The following CACNA2D3 variants were observed in gnomAD, a reference collection of about 807,000 sequenced individuals.
The protein encoded by CACNA2D3 is calcium voltage-gated channel auxiliary subunit alpha2delta 3.
A neutral mutation model predicts 160.6 loss-of-function variants in CACNA2D3; 60 were observed. The ratio of observed to expected loss-of-function variants is 0.37; its 90% CI spans 0.30 to 0.46. The LOEUF (loss-of-function observed/expected upper bound fraction) is 0.46. Among genes scored for constraint, CACNA2D3 ranks in the 20% least tolerant of loss-of-function variants. The pLI is 1.00. For synonymous variants in CACNA2D3, 558 were observed against 492.9 expected (o/e 1.13, Z -1.75); for missense variants, 1,205 against 1,365.0 (o/e 0.88, Z 1.85).
chr3:54,749,004 A>C (rs1701808583), intron 11 of CACNA2D3, among the ~76,000 whole-genome samples: 1 of 152,220 alleles, frequency 6.6e-6, no homozygotes, highest in Non-Finnish European at 1.5e-5. Context: ...CTTAATTTCC[A>C]CATGTCATCT....
intron 11 of CACNA2D3, among the ~76,000 whole-genome samples, chr3:54,696,365 C>T (rs1489561311): frequency 6.6e-6 from 1 of 152,162 alleles, no homozygotes; most frequent in East Asian, 1.9e-4. Flanking sequence ...ACTACACTGA[C>T]ATTAGGAAAC....
intron 14 of CACNA2D3, among the ~76,000 whole-genome samples, chr3:54,818,704 C>G (rs1159942029): frequency 6.6e-6 from 1 of 152,146 alleles, no homozygotes; most frequent in Non-Finnish European, 1.5e-5. Context: ...TCCCTGTCTC[C>G]GAATGATGTC....
Position 54,666,765 on chromosome 3 carries a change from T to C in CACNA2D3, c.1167+24524T>C, listed in dbSNP as rs183841208. On this transcript the variant is annotated intron_variant, in intron 11 of 37. Coordinates refer to ENST00000474759, the MANE Select transcript of CACNA2D3 (RefSeq NM_018398.3). ...TTTCTAAGACAAAAGATCAGTCTTA[T>C]TTTGTGACATGTGATTCAGGGTGAC... is the stretch of plus-strand genomic sequence containing the variant. Among the ~76,000 whole-genome samples the C allele has an allele frequency of 3.4e-3, 516 of 152,330 alleles. 2 individuals are homozygous for C. The highest frequency in any genetic ancestry group is 0.012 in the African/African-American group (481 of 41,584).
chr3:54,905,666 G>T (rs986536343), intron 27 of CACNA2D3, among the ~76,000 whole-genome samples: 1 of 152,268 alleles, frequency 6.6e-6, no homozygotes, highest in East Asian at 1.9e-4. Flanking sequence ...AAACATTTCT[G>T]ATTGGCACTA....
intron 3 of CACNA2D3, among the ~76,000 whole-genome samples, chr3:54,338,487 G>GTA (rs1171174497): frequency 6.6e-6 from 1 of 151,078 alleles, no homozygotes; most frequent in Admixed American, 6.6e-5. Flanking sequence ...GTGTGTGTGT[G>GTA]TGTGTGTGTG....
chr3:54,728,340 C>T (rs1262201242), intron 11 of CACNA2D3, among the ~76,000 whole-genome samples: 5 of 152,208 alleles, frequency 3.3e-5, no homozygotes, highest in Admixed American at 6.5e-5. Context: ...ATCTTCTCTT[C>T]GGTAGTGTCT....
intron 2 of CACNA2D3, among the ~76,000 whole-genome samples, chr3:54,273,567 A>G (rs138851535): frequency 1.1e-4 from 17 of 152,220 alleles, no homozygotes; most frequent in African/African-American, 4.1e-4. Context: ...GGTGTGATTC[A>G]CATTAAAGGT....
chr3:54,346,972 C>T (rs1698470737), intron 3 of CACNA2D3, among the ~76,000 whole-genome samples: 1 of 152,268 alleles, frequency 6.6e-6, no homozygotes, highest in Admixed American at 6.5e-5. Context: ...TGTAAGCATA[C>T]AGTTTAAAAT....
chr3:55,033,800 A>ATG (rs1310823428), intron 35 of CACNA2D3, among the ~76,000 whole-genome samples: 3 of 127,146 alleles, frequency 2.4e-5, no homozygotes, highest in Non-Finnish European at 4.8e-5. Context: ...TATATTTTAT[A>ATG]TAATATGTAT....
rs568865998 is a variant in CACNA2D3, at chr3:54,856,632, T to TA, written c.1626+10169dup. 2.0e-5 allele frequency among the ~76,000 whole-genome samples: 3 copies of TA among 152,298 alleles called. No homozygotes were observed. In the South Asian group the frequency reaches 6.2e-4, roughly 32 times the overall value. On this transcript the variant is annotated intron_variant, in intron 17 of 37. Transcript: ENST00000474759. ...GAGAAGATGTGGGTTTTTAAAGTTC[T>TA]AAAACAAACTGATAAATAAAAATAC...
chr3:54,283,747 A>T (rs1052671009), intron 2 of CACNA2D3, among the ~76,000 whole-genome samples: 1 of 152,188 alleles, frequency 6.6e-6, no homozygotes, highest in Non-Finnish European at 1.5e-5. Flanking sequence ...TTCTGACACC[A>T]GAGGTGTTTC....
At chr3:54,141,652 G>T (rs973409577) in intron 2 of CACNA2D3, among the ~76,000 whole-genome samples, 1 of 152,204 alleles carries the variant, frequency 6.6e-6, no homozygotes. Flanking sequence ...TATGCTTCTT[G>T]TGTAGCAGCT....
intron 2 of CACNA2D3, among the ~76,000 whole-genome samples, chr3:54,226,133 G>A (rs1225743411): frequency 6.6e-6 from 1 of 152,040 alleles, no homozygotes. Context: ...CCCCAGCATC[G>A]TGAGACTGAT....
At chr3:54,665,188 G>T (rs1329003802) in intron 11 of CACNA2D3, among the ~76,000 whole-genome samples, 1 of 152,182 alleles carries the variant, frequency 6.6e-6, no homozygotes, top group South Asian at 2.1e-4. Context: ...GACATGTCCT[G>T]TTTGGTTCCT....
At chr3:54,741,346 A>ATCCTCCCTGCCCC (rs1412062188) in intron 11 of CACNA2D3, among the ~76,000 whole-genome samples, 2 of 152,114 alleles carry the variant, frequency 1.3e-5, no homozygotes, top group Non-Finnish European at 2.9e-5. Flanking sequence ...TGCAGAATTA[A>ATCCTCCCTGCCCC]TCCTCCCTGC....
chr3:54,826,325 T>C (rs1159519089), intron 14 of CACNA2D3, among the ~76,000 whole-genome samples: 2 of 152,198 alleles, frequency 1.3e-5, no homozygotes, highest in Non-Finnish European at 2.9e-5. Flanking sequence ...AATGACCCTC[T>C]GGGGTAAACT....
intron 31 of CACNA2D3, among the ~76,000 whole-genome samples, chr3:55,001,861 A>G (rs938642518): frequency 6.6e-6 from 1 of 152,178 alleles, no homozygotes; most frequent in African/African-American, 2.4e-5. Context: ...CAAGCTGCTC[A>G]AGAATGCACC....
intron 12 of CACNA2D3, among the ~76,000 whole-genome samples, chr3:54,760,388 C>T (rs1286257090): frequency 6.6e-6 from 1 of 151,944 alleles, no homozygotes; most frequent in East Asian, 1.9e-4. Flanking sequence ...GGCCAGCAAG[C>T]CTGAACAGTG....
intron 12 of CACNA2D3, 144 bp downstream of exon 12, chr3:54,752,821 G>A (rs1701888092): frequency 1.9e-6 from 1 of 513,760 alleles, no homozygotes; most frequent in Non-Finnish European, 3.5e-6. Context: ...ACTTGTAACG[G>A]TTTCTTCCAA....
Sources: allele counts gnomAD v4.1 joint callset (sites outside exome capture counted in the v4.1 genomes callset), GRCh38; gene constraint gnomAD v4.1.1; transcripts MANE v1.5; gene names NCBI Gene and HGNC (gene_info 2026-07-23, HGNC 2026-07-21).